Variants in ADCY10 observed in about 807,000 individuals in gnomAD.
The protein encoded by ADCY10 is adenylate cyclase 10.
Under a neutral mutation model 183.3 loss-of-function variants are expected in ADCY10, and 156 were observed. The observed-to-expected ratio is 0.85, with a 90% CI of 0.75 to 0.97. ADCY10 has a LOEUF of 0.97. ADCY10 is among the 50% of genes least tolerant of loss of function. The probability of loss-of-function intolerance (pLI) is 0.00; values close to 1 mark genes in which losing one functional copy is unlikely to be tolerated. For synonymous variants in ADCY10, 645 were observed against 670.0 expected (o/e 0.96, Z 0.58); for missense variants, 1,745 against 1,934.3 (o/e 0.90, Z 1.84).
chr1:167,877,309 C>T (rs1667541074), intron 12 of ADCY10, among the ~76,000 whole-genome samples: 1 of 150,634 alleles, frequency 6.6e-6, no homozygotes, highest in Non-Finnish European at 1.5e-5. Flanking sequence ...AATAAGTACT[C>T]ACTAAAAATT....
chr1:167,910,974 A>G (rs1403637380), intron 1 of ADCY10, among the ~76,000 whole-genome samples: 1 of 152,222 alleles, frequency 6.6e-6, no homozygotes, highest in Non-Finnish European at 1.5e-5. Context: ...CCCTACTATC[A>G]GCCCCTTCAA....
intron 12 of ADCY10, among the ~76,000 whole-genome samples, chr1:167,876,442 T>C (rs773842610): frequency 1.1e-4 from 17 of 152,140 alleles, no homozygotes; most frequent in Non-Finnish European, 2.5e-4. Flanking sequence ...AGAAGCCTTT[T>C]AGTCAAAATG....
Position 167,814,463 on chromosome 1 carries a change from A to G in ADCY10, c.4483-3550T>C, listed in dbSNP as rs562533651. 2.0e-3 allele frequency among the ~76,000 whole-genome samples: 303 copies of G among 151,840 alleles called. 2 individuals are homozygous for G. The highest frequency in any genetic ancestry group is 7.0e-3 in the African/African-American group (290 of 41,542). On this transcript the variant is annotated intron_variant, in intron 31 of 32. Transcript: ENST00000367851. ...TTATAATTATATTTTTAAAATAAAAATATAACAATTATAAACATTTATGCA... is the reference window on the plus strand; with the variant it reads ...TTATAATTATATTTTTAAAATAAAAGTATAACAATTATAAACATTTATGCA...
chr1:167,856,490 T>C, intron 16 of ADCY10, 51 bp from the exon 17 acceptor site: 4 of 1,599,730 alleles, frequency 2.5e-6, no homozygotes, highest in Non-Finnish European at 3.4e-6. Flanking sequence ...CGTCAGGTTT[T>C]TTTACACATG....
At chr1:167,832,847 C>T (rs535376162) in intron 25 of ADCY10, 140 bp downstream of exon 25, 9 of 850,816 alleles carry the variant, frequency 1.1e-5, no homozygotes, top group East Asian at 2.6e-5. Context: ...ACACTCGCCC[C>T]CTCCCCAGTG....
At position 167,901,663 on chromosome 1, in the gene ADCY10, T is replaced by C. The variant is rs143952771; in HGVS notation, c.435A>G (p.Ile145Met). Residue 145 changes from isoleucine (I) to methionine (M), a missense_variant and splice_region_variant, in exon 5 of 33, where the codon ATA becomes ATG. Physicochemically the swap from Ile to Met is conservative, Grantham distance 10 (BLOSUM62 1). Transcript: ENST00000367851. ...ATTTATTCCTTCTCAAATGCTTACC[T>C]ATCTTGACTCGGATGTCTAGGCCTT... ...WEEGLDIRVKIGLAAGHISML... is the reference protein window; with the variant it reads ...WEEGLDIRVKMGLAAGHISML... 6.2e-7 allele frequency: 1 copy of C among 1,613,970 alleles called. No homozygotes were observed. The highest frequency in any genetic ancestry group is 1.3e-5 in the African/African-American group (1 of 74,930).
intron 12 of ADCY10, among the ~76,000 whole-genome samples, chr1:167,877,679 T>C (rs533150409): frequency 9.9e-5 from 15 of 152,166 alleles, no homozygotes; most frequent in African/African-American, 3.6e-4. Flanking sequence ...AATAGAAGCA[T>C]ATGCTATAGG....
intron 1 of ADCY10, among the ~76,000 whole-genome samples, chr1:167,908,163 A>G (rs1669934794): frequency 6.6e-6 from 1 of 152,248 alleles, no homozygotes; most frequent in African/African-American, 2.4e-5. Flanking sequence ...TTGTTCATCA[A>G]CATATGAATG....
intron 14 of ADCY10, among the ~76,000 whole-genome samples, chr1:167,866,393 G>A (rs1349448353): frequency 2.0e-5 from 3 of 152,076 alleles, no homozygotes; most frequent in Non-Finnish European, 2.9e-5. Context: ...AGTGAGTGAT[G>A]TTAATAAAAA....
At chr1:167,869,370 C>T (rs1666924795) in intron 14 of ADCY10, among the ~76,000 whole-genome samples, 1 of 152,050 alleles carries the variant, frequency 6.6e-6, no homozygotes, top group Non-Finnish European at 1.5e-5. Context: ...GCATAAGTGG[C>T]AAAAATAAGA....
At chr1:167,823,380 G>T (rs916219762) in intron 28 of ADCY10, among the ~76,000 whole-genome samples, 1 of 135,656 alleles carries the variant, frequency 7.4e-6, no homozygotes, top group South Asian at 2.5e-4. Flanking sequence ...AGCCAATAAC[G>T]CACCACTGCA....
At chr1:167,863,655 A>G (rs1666452852) in intron 14 of ADCY10, among the ~76,000 whole-genome samples, 1 of 152,170 alleles carries the variant, frequency 6.6e-6, no homozygotes, top group Non-Finnish European at 1.5e-5. Context: ...TGCCCTGTGG[A>G]ACATCCCTGC....
chr1:167,841,830 T>C (rs1421238802), intron 21 of ADCY10, among the ~76,000 whole-genome samples: 1 of 152,234 alleles, frequency 6.6e-6, no homozygotes, highest in East Asian at 1.9e-4. Context: ...AACAGAATGC[T>C]GTTTTGTTCA....
At chr1:167,880,995 C>T (rs1220616921) in intron 9 of ADCY10, among the ~76,000 whole-genome samples, 1 of 152,188 alleles carries the variant, frequency 6.6e-6, no homozygotes. Context: ...CAAGCCACTT[C>T]TCAAGTGTGG....
chr1:167,893,076 G>A (rs1302919034), intron 8 of ADCY10, among the ~76,000 whole-genome samples: 1 of 152,190 alleles, frequency 6.6e-6, no homozygotes. Flanking sequence ...ATAAATTTGA[G>A]AGAACCAAGA....
rs537678655 is a variant in ADCY10, at chr1:167,912,446, A to T, written c.-59+1530T>A. ...TCCCACGTGTGTAGAACATCATGGC[A>T]CCCTGCATTTGCATATTAAAAGGCT... On this transcript the variant is annotated intron_variant, in intron 1 of 32. Transcript: ENST00000367851. Among the ~76,000 whole-genome samples the T allele has an allele frequency of 1.7e-4, 26 of 152,250 alleles. No individual in the cohort carries two copies. In the East Asian group the frequency reaches 4.8e-3, roughly 28 times the overall value.
At chr1:167,822,936 G>C in intron 29 of ADCY10, 72 bp downstream of exon 29, 1 of 1,355,116 alleles carries the variant, frequency 7.4e-7, no homozygotes, top group South Asian at 1.2e-5. Flanking sequence ...GCCCCAACCT[G>C]AGAGCTGCCA....
chr1:167,826,507 C>A (rs551308787), intron 26 of ADCY10, among the ~76,000 whole-genome samples: 5 of 152,154 alleles, frequency 3.3e-5, no homozygotes, highest in Non-Finnish European at 7.4e-5. Context: ...ATCCCAGCCA[C>A]CTTGATGACA....
chr1:167,890,258 T>C (rs984635069), intron 8 of ADCY10, among the ~76,000 whole-genome samples: 1 of 152,250 alleles, frequency 6.6e-6, no homozygotes, highest in Admixed American at 6.5e-5. Context: ...GCCATATCTA[T>C]ATTACAGAGC....
Sources: gnomAD v4.1 joint callset for allele counts (sites outside exome capture counted in the v4.1 genomes callset) on GRCh38, gnomAD v4.1.1 for gene constraint, MANE v1.5 for transcripts, NCBI Gene and HGNC (gene_info 2026-07-23, HGNC 2026-07-21) for gene names.